Variants in ALK observed in about 807,000 individuals in gnomAD.
ALK encodes the protein ALK tyrosine kinase receptor.
A neutral mutation model predicts 163.1 loss-of-function variants in ALK; 74 were observed. That is an observed-to-expected ratio of 0.45 (90% CI 0.38 to 0.55). The LOEUF (loss-of-function observed/expected upper bound fraction) is 0.55. Ranked by LOEUF, ALK falls within the 20% of genes least tolerant of loss-of-function variation. The pLI is 0.00. For synonymous variants in ALK, 960 were observed against 843.2 expected (o/e 1.14, Z -2.40); for missense variants, 2,063 against 2,105.3 (o/e 0.98, Z 0.39).
intron 3 of ALK, among the ~76,000 whole-genome samples, chr2:29,622,978 C>T (rs559070725): frequency 3.4e-4 from 52 of 152,238 alleles, no homozygotes; most frequent in African/African-American, 1.3e-3. Context: ...CTTGGCAACC[C>T]CAATGTGAGA....
intron 3 of ALK, among the ~76,000 whole-genome samples, chr2:29,630,822 T>A (rs1676347752): frequency 6.6e-6 from 1 of 152,188 alleles, no homozygotes; most frequent in African/African-American, 2.4e-5. Context: ...CTTACTGACA[T>A]CTTTTTTATT....
chr2:29,216,956 T>C (rs1573114089), intron 23 of ALK, among the ~76,000 whole-genome samples: 1 of 37,124 alleles, frequency 2.7e-5, no homozygotes, highest in Admixed American at 4.3e-4. Flanking sequence ...GCATGTGATG[T>C]GTGTGTGGTG....
chr2:29,594,426 CTTTTTTT>C (rs754184164), intron 3 of ALK, among the ~76,000 whole-genome samples: 2 of 128,958 alleles, frequency 1.6e-5, no homozygotes, highest in East Asian at 4.3e-4. Context: ...GGTCTCCTCA[CTTTTTTT>C]TTTTTTTTTT....
chr2:29,694,519 A>G (rs1678495715), intron 3 of ALK, among the ~76,000 whole-genome samples: 2 of 152,238 alleles, frequency 1.3e-5, no homozygotes, highest in Admixed American at 1.3e-4. Flanking sequence ...TGAAATTCAA[A>G]TTTAATGAGG....
chr2:29,865,639 G>T (rs1666415281), intron 1 of ALK, among the ~76,000 whole-genome samples: 2 of 152,200 alleles, frequency 1.3e-5, no homozygotes, highest in Admixed American at 1.3e-4. Flanking sequence ...TCTTAGATCA[G>T]TGGACCATGT....
intron 4 of ALK, among the ~76,000 whole-genome samples, chr2:29,524,364 C>G (rs1462277165): frequency 6.6e-6 from 1 of 152,226 alleles, no homozygotes; most frequent in Non-Finnish European, 1.5e-5. Context: ...AAGAACAGCT[C>G]TTAGTTTCCT....
chr2:29,355,074 T>G (rs1558690441), intron 5 of ALK, among the ~76,000 whole-genome samples: 1 of 152,184 alleles, frequency 6.6e-6, no homozygotes. Flanking sequence ...CCAGCCCACT[T>G]TTCTTTGTGA....
chr2:29,555,976 A>G (rs1031060087), intron 3 of ALK, among the ~76,000 whole-genome samples: 6 of 152,226 alleles, frequency 3.9e-5, no homozygotes, highest in Non-Finnish European at 8.8e-5. Context: ...GAAAGAAACA[A>G]TCTAAAATGC....
intron 12 of ALK, among the ~76,000 whole-genome samples, chr2:29,242,857 C>G (rs545531183): frequency 6.6e-6 from 1 of 152,358 alleles, no homozygotes; most frequent in African/African-American, 2.4e-5. Context: ...AAGCAGGTTT[C>G]TGTGGCTGGG....
At chr2:29,425,196 T>C (rs1250810631) in intron 4 of ALK, among the ~76,000 whole-genome samples, 2 of 152,160 alleles carry the variant, frequency 1.3e-5, no homozygotes, top group Non-Finnish European at 2.9e-5. Flanking sequence ...CTAAAACTCA[T>C]TAAGGACAGT....
intron 1 of ALK, among the ~76,000 whole-genome samples, chr2:29,828,496 G>A (rs1449889323): frequency 6.6e-6 from 1 of 152,114 alleles, no homozygotes; most frequent in African/African-American, 2.4e-5. Flanking sequence ...TCAAAAAGTG[G>A]GCGAAGGATA....
chr2:29,207,352 T>A (rs2148152474), intron 25 of ALK, 80 bp from the exon 26 acceptor site: 1 of 1,112,238 alleles, frequency 9.0e-7, no homozygotes, highest in Non-Finnish European at 1.4e-6. Flanking sequence ...GTTGAGAAAG[T>A]GGCAACAATA....
At chr2:29,637,295 C>T (rs1026304933) in intron 3 of ALK, among the ~76,000 whole-genome samples, 2 of 152,126 alleles carry the variant, frequency 1.3e-5, no homozygotes. Context: ...TTAGATACAT[C>T]TCCAGAAAAT....
At chr2:29,720,986 T>A (rs1374145737) in intron 1 of ALK, among the ~76,000 whole-genome samples, 1 of 151,926 alleles carries the variant, frequency 6.6e-6, no homozygotes, top group African/African-American at 2.4e-5. Flanking sequence ...GAAACGTAGA[T>A]GAGAAAGGAG....
intron 4 of ALK, among the ~76,000 whole-genome samples, chr2:29,478,842 G>C (rs1423308341): frequency 1.3e-5 from 2 of 152,196 alleles, no homozygotes; most frequent in Non-Finnish European, 2.9e-5. Flanking sequence ...GGGAATGGTA[G>C]GGGCAGGTGC....
At chr2:29,829,306 G>A (rs962675833) in intron 1 of ALK, among the ~76,000 whole-genome samples, 49 of 114,316 alleles carry the variant, frequency 4.3e-4, no homozygotes, top group Non-Finnish European at 3.3e-4. Context: ...AAAACTTAAA[G>A]TATAATAAAA....
At chr2:29,768,006 T>C (rs1440888099) in intron 1 of ALK, among the ~76,000 whole-genome samples, 1 of 152,156 alleles carries the variant, frequency 6.6e-6, no homozygotes, top group East Asian at 1.9e-4. Flanking sequence ...CCTAGAACAG[T>C]CTTTGCTATT....
At chr2:29,392,664 C>G (rs559741657) in intron 4 of ALK, among the ~76,000 whole-genome samples, 2 of 152,262 alleles carry the variant, frequency 1.3e-5, no homozygotes, top group East Asian at 3.9e-4. Context: ...AAGAGTCTAC[C>G]TCTACAGACT....
At chr2:29,257,146 G>T (rs1664968851) in intron 11 of ALK, among the ~76,000 whole-genome samples, 1 of 152,072 alleles carries the variant, frequency 6.6e-6, no homozygotes, top group Non-Finnish European at 1.5e-5. Flanking sequence ...GGTCCCCAGG[G>T]AGGATCTGGG....
Sources: gnomAD v4.1 joint callset for allele counts (sites outside exome capture counted in the v4.1 genomes callset) on GRCh38, gnomAD v4.1.1 for gene constraint, MANE v1.5 for transcripts, NCBI Gene and HGNC (gene_info 2026-07-23, HGNC 2026-07-21) for gene names.